PREX2: variants seen among roughly 807,000 people sequenced by gnomAD.
PREX2 encodes the protein phosphatidylinositol 3,4,5-trisphosphate-dependent Rac exchanger 2 protein.
In PREX2, 107 loss-of-function variants were observed where a neutral mutation model predicts 203.2. The observed-to-expected ratio is 0.53, with a 90% CI of 0.45 to 0.62. The LOEUF is 0.62. Among genes scored for constraint, PREX2 ranks in the 20% least tolerant of loss-of-function variants. The probability of loss-of-function intolerance (pLI) is 0.00; values close to 1 mark genes in which losing one functional copy is unlikely to be tolerated. For missense variants in PREX2, 1,777 were observed against 1,955.9 expected (o/e 0.91, Z 1.72); for synonymous variants, 672 against 663.6 (o/e 1.01, Z -0.19).
intron 1 of PREX2, among the ~76,000 whole-genome samples, chr8:68,009,207 C>T (rs1373985214): frequency 2.0e-5 from 3 of 152,166 alleles, no homozygotes; most frequent in African/African-American, 2.4e-5. Flanking sequence ...TCCTTTTCAT[C>T]GGAACTGCAT....
intron 39 of PREX2, among the ~76,000 whole-genome samples, chr8:68,226,370 G>A (rs1813056728): frequency 1.3e-5 from 2 of 152,158 alleles, no homozygotes; most frequent in Admixed American, 1.3e-4. Context: ...GAGGTGCAGA[G>A]AGAATGCCAA....
intron 1 of PREX2, among the ~76,000 whole-genome samples, chr8:67,965,265 A>G (rs1805734388): frequency 6.6e-6 from 1 of 152,128 alleles, no homozygotes; most frequent in Non-Finnish European, 1.5e-5. Context: ...TCCCATTGGC[A>G]TATCTGTTAA....
chr8:68,018,895 T>C (rs1807484291), intron 2 of PREX2, among the ~76,000 whole-genome samples: 1 of 152,246 alleles, frequency 6.6e-6, no homozygotes, highest in Non-Finnish European at 1.5e-5. Flanking sequence ...TCCCCATGAG[T>C]AAAATAACTA....
chr8:68,079,899 G>C (rs561475665), intron 15 of PREX2, among the ~76,000 whole-genome samples: 1 of 152,108 alleles, frequency 6.6e-6, no homozygotes, highest in Non-Finnish European at 1.5e-5. Context: ...ACAGGAATTC[G>C]TGGAAACTGA....
intron 1 of PREX2, among the ~76,000 whole-genome samples, chr8:67,967,228 C>T (rs533634464): frequency 4.8e-4 from 73 of 152,192 alleles, no homozygotes; most frequent in African/African-American, 1.7e-3. Flanking sequence ...TGAGATTAAA[C>T]CCAGATGTAC....
intron 7 of PREX2, among the ~76,000 whole-genome samples, chr8:68,043,106 A>G (rs1379410136): frequency 6.6e-6 from 1 of 152,148 alleles, no homozygotes; most frequent in Non-Finnish European, 1.5e-5. Flanking sequence ...AGTTACCTGC[A>G]TATTAGTCTG....
chr8:68,089,030 A>G (rs1809784682), intron 19 of PREX2, among the ~76,000 whole-genome samples: 1 of 152,118 alleles, frequency 6.6e-6, no homozygotes, highest in African/African-American at 2.4e-5. Context: ...ATGGAAAGAT[A>G]TTTGGTTATT....
At chr8:68,013,922 A>G (rs975215546) in intron 1 of PREX2, among the ~76,000 whole-genome samples, 3 of 152,212 alleles carry the variant, frequency 2.0e-5, no homozygotes, top group African/African-American at 7.2e-5. Flanking sequence ...GGCATCGGGT[A>G]TCTAGAATTA....
chr8:68,053,227 A>C lies in PREX2; in HGVS notation c.1074A>C (p.Lys358Asn). ...EKHEWFEAIL[K>N]ERERRKGLKL... The stretch of plus-strand genomic sequence containing the variant: ...ATGAATGGTTTGAAGCTATTTTGAA[A>C]GAAAGAGAACGGCGGAAAGGTGGGT... The change falls in exon 9 of 40, where the codon AAA becomes AAC. Residue 358 changes from lysine to asparagine, a missense_variant. Transcript: ENST00000288368. 2 of 1,613,712 alleles carry C rather than the reference A, an allele frequency of 1.2e-6. No individual in the cohort carries two copies. The highest frequency in any genetic ancestry group is 1.7e-6 in the Non-Finnish European group (2 of 1,179,690).
At chr8:67,969,719 C>T (rs901617226) in intron 1 of PREX2, among the ~76,000 whole-genome samples, 15 of 152,160 alleles carry the variant, frequency 9.9e-5, no homozygotes, top group African/African-American at 3.4e-4. Context: ...AGTCTGGTCT[C>T]TTCTGGAGAT....
intron 6 of PREX2, among the ~76,000 whole-genome samples, chr8:68,037,303 T>G (rs2129610689): frequency 6.6e-6 from 1 of 152,314 alleles, no homozygotes; most frequent in South Asian, 2.1e-4. Flanking sequence ...AAACGTCCTT[T>G]TTCATTTTTT....
intron 37 of PREX2, among the ~76,000 whole-genome samples, chr8:68,211,034 C>G (rs187916466): frequency 1.6e-4 from 24 of 152,242 alleles, no homozygotes; most frequent in Admixed American, 6.5e-4. Context: ...GAGGAGGGGA[C>G]GAGAGACACA....
chr8:67,975,694 CTTTTTTTT>C (rs67614434), intron 1 of PREX2, among the ~76,000 whole-genome samples: 4 of 74,990 alleles, frequency 5.3e-5, no homozygotes, highest in Admixed American at 1.9e-4. Flanking sequence ...ATTTCTCTTT[CTTTTTTTT>C]TTTTTTTTTT....
chr8:68,050,017 C>G (rs1046714826), intron 8 of PREX2, among the ~76,000 whole-genome samples: 5 of 151,066 alleles, frequency 3.3e-5, no homozygotes, highest in Non-Finnish European at 7.4e-5. Context: ...ATTTTGAGGC[C>G]TGTGGTATGT....
chr8:68,017,661 G>C (rs1395235358), intron 1 of PREX2, among the ~76,000 whole-genome samples, 185 bp from the exon 2 acceptor site: 3 of 152,166 alleles, frequency 2.0e-5, no homozygotes, highest in Non-Finnish European at 4.4e-5. Context: ...CATGGTAATG[G>C]AAGTATAATT....
At chr8:67,969,778 G>T (rs1805873633) in intron 1 of PREX2, among the ~76,000 whole-genome samples, 1 of 152,162 alleles carries the variant, frequency 6.6e-6, no homozygotes, top group Non-Finnish European at 1.5e-5. Context: ...TTGTTCGAAG[G>T]TTGCCATTTA....
chr8:68,175,511 A>G (rs1446584404), intron 35 of PREX2, among the ~76,000 whole-genome samples: 1 of 152,194 alleles, frequency 6.6e-6, no homozygotes, highest in Non-Finnish European at 1.5e-5. Context: ...AAACTATTTC[A>G]GGCAAGCGAT....
intron 1 of PREX2, among the ~76,000 whole-genome samples, chr8:67,968,238 G>A (rs1805830829): frequency 6.6e-6 from 1 of 152,098 alleles, no homozygotes; most frequent in Non-Finnish European, 1.5e-5. Flanking sequence ...CGACTGGGGA[G>A]GGGAAAGGTC....
chr8:68,154,281 G>T (rs1811498538), intron 34 of PREX2, among the ~76,000 whole-genome samples: 1 of 152,224 alleles, frequency 6.6e-6, no homozygotes, highest in South Asian at 2.1e-4. Flanking sequence ...ATGTTGCCTA[G>T]TAAATAAAAC....
Sources: gnomAD v4.1 joint callset for allele counts (sites outside exome capture counted in the v4.1 genomes callset) on GRCh38, gnomAD v4.1.1 for gene constraint, MANE v1.5 for transcripts, NCBI Gene and HGNC (gene_info 2026-07-23, HGNC 2026-07-21) for gene names.